The following CYP4Z1 variants were observed in gnomAD, a reference collection of about 807,000 sequenced individuals.
CYP4Z1 encodes the protein cytochrome P450 family 4 subfamily Z member 1.
In CYP4Z1, 41 loss-of-function variants were observed where a neutral mutation model predicts 54.2. The observed-to-expected ratio is 0.76, with a 90% CI of 0.59 to 0.98. The LOEUF (loss-of-function observed/expected upper bound fraction) is 0.98, where lower values mean the gene tolerates loss of function less well. Among genes scored for constraint, CYP4Z1 ranks in the 50% least tolerant of loss-of-function variants. The pLI, the probability that CYP4Z1 is intolerant of heterozygous loss-of-function variation, is 0.00. For missense variants in CYP4Z1, 513 were observed against 599.0 expected (o/e 0.86, Z 1.50); for synonymous variants, 163 against 206.2 (o/e 0.79, Z 1.79).
intron 2 of CYP4Z1, among the ~76,000 whole-genome samples, chr1:47,077,539 GA>G (rs1222837054): frequency 7.9e-5 from 12 of 151,860 alleles, no homozygotes; most frequent in Non-Finnish European, 1.2e-4. Context: ...CCTTTTAATT[GA>G]AGTTTAATCC....
At chr1:47,100,297 T>C (rs1378809482) in intron 8 of CYP4Z1, among the ~76,000 whole-genome samples, 11 of 152,194 alleles carry the variant, frequency 7.2e-5, no homozygotes, top group Non-Finnish European at 1.5e-4. Context: ...TTTGTTTTGG[T>C]TTTGCTATTA....
chr1:47,077,170 G>C (rs1220127431), intron 2 of CYP4Z1, among the ~76,000 whole-genome samples: 1 of 150,804 alleles, frequency 6.6e-6, no homozygotes, highest in African/African-American at 2.5e-5. Context: ...ATTATTGAAA[G>C]GGATGTAGTG....
upstream of CYP4Z1, among the ~76,000 whole-genome samples, chr1:47,065,484 A>G (rs1311589160): frequency 6.6e-6 from 1 of 152,130 alleles, no homozygotes; most frequent in Non-Finnish European, 1.5e-5. Flanking sequence ...TTTAAACTGA[A>G]CAATAATAGT....
chr1:47,083,604 T>A (rs1222468762), intron 4 of CYP4Z1, among the ~76,000 whole-genome samples: 1 of 152,216 alleles, frequency 6.6e-6, no homozygotes, highest in Non-Finnish European at 1.5e-5. Context: ...AAGACCAGCC[T>A]GGCCAACATG....
chr1:47,063,510 G>C (rs1644434634), upstream of CYP4Z1, among the ~76,000 whole-genome samples: 1 of 151,864 alleles, frequency 6.6e-6, no homozygotes, highest in African/African-American at 2.4e-5. Flanking sequence ...GATATGAAAG[G>C]AAAATTCTTC....
At chr1:47,108,970 A>C (rs1204802184) in intron 9 of CYP4Z1, among the ~76,000 whole-genome samples, 1 of 152,078 alleles carries the variant, frequency 6.6e-6, no homozygotes, top group Non-Finnish European at 1.5e-5. Context: ...GCCTTTGTCA[A>C]TCTTCAAATG....
At chr1:47,090,782 G>A (rs1019466997) in intron 6 of CYP4Z1, among the ~76,000 whole-genome samples, 2 of 119,084 alleles carry the variant, frequency 1.7e-5, no homozygotes, top group African/African-American at 8.2e-5. Flanking sequence ...TGAGTGTGAT[G>A]TATCCAGGAG....
At chr1:47,095,105 C>T (rs551322326) in intron 7 of CYP4Z1, among the ~76,000 whole-genome samples, 1 of 152,324 alleles carries the variant, frequency 6.6e-6, no homozygotes, top group East Asian at 1.9e-4. Flanking sequence ...CCTCCAGTGT[C>T]ACATTTTAAT....
chr1:47,113,274 C>T (rs1569761781), intron 9 of CYP4Z1, among the ~76,000 whole-genome samples: 1 of 152,256 alleles, frequency 6.6e-6, no homozygotes, highest in East Asian at 1.9e-4. Flanking sequence ...CTTCTCTTTA[C>T]CTGGTTTTCC....
chr1:47,057,327 G>GAAAA, the CYP4Z1 span, among the ~76,000 whole-genome samples: 165 of 17,960 alleles, frequency 9.2e-3, 15 homozygotes, highest in African/African-American at 0.023. Context: ...TACTTCTTAA[G>GAAAA]AAAAAAAAAT....
rs144174804 is a variant in CYP4Z1, at chr1:47,110,307, A to G, written c.1201+4046A>G. Among the ~76,000 whole-genome samples the G allele has an allele frequency of 4.3e-3, 645 of 150,598 alleles. 5 individuals are homozygous for G. Among genetic ancestry groups the G allele is most frequent in the African/African-American group, 0.015 (606 of 40,788 alleles). ...AAACACAATGGGTTTTGTGCCACTCATGGGAGAGATCCATGGCAATCAACT... is the reference window on the plus strand; with the variant it reads ...AAACACAATGGGTTTTGTGCCACTCGTGGGAGAGATCCATGGCAATCAACT... On this transcript the variant is annotated intron_variant, in intron 9 of 11. Coordinates refer to ENST00000334194, the MANE Select transcript of CYP4Z1 (RefSeq NM_178134.3).
At chr1:47,105,923 G>GA (rs1462073531) in intron 8 of CYP4Z1, among the ~76,000 whole-genome samples, 5 of 152,076 alleles carry the variant, frequency 3.3e-5, no homozygotes, top group Non-Finnish European at 7.3e-5. Context: ...ATCTGCGGGG[G>GA]GGGGAGAATC....
At chr1:47,082,277 G>C in intron 3 of CYP4Z1, 57 bp from the exon 4 acceptor site, 1 of 1,550,854 alleles carries the variant, frequency 6.4e-7, no homozygotes, top group Non-Finnish European at 8.7e-7. Context: ...TGCGTGCCTA[G>C]TCTTTCTTCA....
chr1:47,094,524 A>G (rs2148534523), intron 6 of CYP4Z1, 42 bp from the exon 7 acceptor site: 1 of 1,353,900 alleles, frequency 7.4e-7, no homozygotes, highest in South Asian at 1.3e-5. Flanking sequence ...TTGACTTTCC[A>G]GTAACCTTGA....
chr1:47,087,834 T>A (rs1644608408), intron 6 of CYP4Z1, among the ~76,000 whole-genome samples: 1 of 152,242 alleles, frequency 6.6e-6, no homozygotes, highest in Admixed American at 6.5e-5. Context: ...TGTGGGTTTG[T>A]CATAAATAGC....
Position 47,118,076 on chromosome 1 carries a change from C to A in CYP4Z1, c.*142C>A. ...GGATACTTCTGACTGGTTTTGACAT[C>A]CATTAACAGTAATTTTAATTTCTTT... On this transcript the variant is annotated 3_prime_UTR_variant, in exon 12 of 12. Transcript: ENST00000334194. 1.2e-6 allele frequency: 1 copy of A among 843,214 alleles called. No homozygotes were observed. Among genetic ancestry groups the A allele is most frequent in the Non-Finnish European group, 1.7e-6 (1 of 590,984 alleles). The allele number at this position is 843,214 out of a possible 1,614,324, so 52.2% of individuals were successfully genotyped here. A position where few individuals can be genotyped will look rare whatever the true frequency, so the allele number is the denominator to read the frequency against.
chr1:47,109,260 G>A (rs1476841938), intron 9 of CYP4Z1, among the ~76,000 whole-genome samples: 2 of 152,182 alleles, frequency 1.3e-5, no homozygotes, highest in Non-Finnish European at 2.9e-5. Context: ...AAAAAAGAAG[G>A]TAGGATTGGG....
At chr1:47,103,595 C>CTTTTTTTTTTTTT (rs373166937) in intron 8 of CYP4Z1, among the ~76,000 whole-genome samples, 2 of 96,030 alleles carry the variant, frequency 2.1e-5, no homozygotes, top group African/African-American at 4.1e-5. Context: ...TCTTTTTTTT[C>CTTTTTTTTTTTTT]TTTTTTTTTT....
At chr1:47,087,649 A>G (rs1039946374) in intron 6 of CYP4Z1, among the ~76,000 whole-genome samples, 2 of 152,176 alleles carry the variant, frequency 1.3e-5, no homozygotes, top group African/African-American at 4.8e-5. Flanking sequence ...AACAGGGACA[A>G]TGTGACATCC....
Sources: gnomAD v4.1 joint callset for allele counts (sites outside exome capture counted in the v4.1 genomes callset) on GRCh38, gnomAD v4.1.1 for gene constraint, MANE v1.5 for transcripts, NCBI Gene and HGNC (gene_info 2026-07-23, HGNC 2026-07-21) for gene names.